HIVEP2: variants seen among roughly 807,000 people sequenced by gnomAD.
HIVEP2 encodes the protein HIVEP zinc finger 2.
Under a neutral mutation model 180.7 loss-of-function variants are expected in HIVEP2, and 14 were observed. That is an observed-to-expected ratio of 0.08 (90% CI 0.05 to 0.12). The LOEUF is 0.12. HIVEP2 is among the 10% of genes least tolerant of loss of function. The pLI, the probability that HIVEP2 is intolerant of heterozygous loss-of-function variation, is 1.00. For missense variants in HIVEP2, 2,579 were observed against 3,008.5 expected, an observed-to-expected ratio of 0.86 and a Z score of 3.34; for synonymous variants, 1,184 against 1,136.4, an observed-to-expected ratio of 1.04 and a Z score of -0.84.
At position 142,811,435 on chromosome 6, in the gene HIVEP2, A is replaced by G. The variant is rs143058010; in HGVS notation, c.-528+25500T>C. On this transcript the variant is annotated intron_variant, in intron 2 of 9. Coordinates refer to ENST00000367603, the MANE Select transcript of HIVEP2 (RefSeq NM_006734.4). ...TAGGTGGATTTTTCCAAACCACCCTATTTACATCTTCTAAACCCTATCATT... is the reference window on the plus strand; with the variant it reads ...TAGGTGGATTTTTCCAAACCACCCTGTTTACATCTTCTAAACCCTATCATT... Among the ~76,000 whole-genome samples the G allele has an allele frequency of 4.3e-4, 66 of 152,276 alleles. 1 individual carries two copies. The East Asian group carries it at 0.012, about 27-fold the overall frequency.
At chr6:142,862,388 TA>T (rs1298336546) in intron 1 of HIVEP2, among the ~76,000 whole-genome samples, 1 of 149,556 alleles carries the variant, frequency 6.7e-6, no homozygotes, top group African/African-American at 2.4e-5. Context: ...CGATTACATG[TA>T]TTACATATTT....
intron 1 of HIVEP2, among the ~76,000 whole-genome samples, chr6:142,890,918 G>T (rs1256458089): frequency 2.0e-5 from 3 of 152,118 alleles, no homozygotes; most frequent in African/African-American, 7.2e-5. Context: ...ACTTCCATTT[G>T]TAAACTGTAA....
At chr6:142,881,959 C>T (rs1776583259) in intron 1 of HIVEP2, among the ~76,000 whole-genome samples, 1 of 152,182 alleles carries the variant, frequency 6.6e-6, no homozygotes, top group African/African-American at 2.4e-5. Flanking sequence ...TAAGATAACA[C>T]AGTTAAAGCT....
At chr6:142,846,053 C>A (rs1775508593) in intron 1 of HIVEP2, among the ~76,000 whole-genome samples, 1 of 152,222 alleles carries the variant, frequency 6.6e-6, no homozygotes, top group African/African-American at 2.4e-5. Flanking sequence ...CAGGCCACGG[C>A]AACAACAGCC....
intron 1 of HIVEP2, among the ~76,000 whole-genome samples, chr6:142,942,924 C>G (rs1057364188): frequency 6.6e-6 from 1 of 152,098 alleles, no homozygotes; most frequent in African/African-American, 2.4e-5. Flanking sequence ...TCTCAATGTT[C>G]AAAAGATTCA....
At chr6:142,861,605 A>G (rs12190015) in intron 1 of HIVEP2, among the ~76,000 whole-genome samples, 59,193 of 152,054 alleles carry the variant, frequency 0.39, 12,359 homozygotes, top group Non-Finnish European at 0.48. Flanking sequence ...AGTATGAAAC[A>G]GTAATATCCC....
intron 2 of HIVEP2, among the ~76,000 whole-genome samples, chr6:142,792,731 T>C (rs1005616459): frequency 3.3e-5 from 5 of 150,838 alleles, no homozygotes; most frequent in Non-Finnish European, 7.4e-5. Context: ...TAAAATAAAA[T>C]AAAACTAATA....
At chr6:142,786,695 G>A (rs978910499) in intron 2 of HIVEP2, among the ~76,000 whole-genome samples, 1 of 152,194 alleles carries the variant, frequency 6.6e-6, no homozygotes, top group Non-Finnish European at 1.5e-5. Context: ...ATTCATAGAT[G>A]ACAGATAAGA....
chr6:142,911,160 A>AAT (rs397972719), intron 1 of HIVEP2, among the ~76,000 whole-genome samples: 11 of 143,538 alleles, frequency 7.7e-5, no homozygotes, highest in Non-Finnish European at 1.6e-4. Flanking sequence ...AAAAAAAAAA[A>AAT]CTTAAAAATA....
intron 1 of HIVEP2, among the ~76,000 whole-genome samples, chr6:142,898,401 C>A (rs910669787): frequency 1.3e-5 from 2 of 152,186 alleles, no homozygotes; most frequent in Non-Finnish European, 2.9e-5. Context: ...GTGGCTCACA[C>A]CTGTAATCCC....
At position 142,943,354 on chromosome 6, in the gene HIVEP2, G is replaced by T. The variant is rs968614808; in HGVS notation, c.-641+1745C>A. Among the ~76,000 whole-genome samples the T allele has an allele frequency of 6.6e-6, 1 of 152,134 alleles. No individual in the cohort carries two copies. Among genetic ancestry groups the T allele is most frequent in the Non-Finnish European group, 1.5e-5 (1 of 68,030 alleles). On this transcript the variant is annotated intron_variant, in intron 1 of 9. Transcript: ENST00000367603. The surrounding 1 kb of genome is among the most constrained non-coding windows in gnomAD (Gnocchi z 4.5). Reference sequence around the variant, plus strand: ...GCAAATATTTAAAATAACTTGGTTTGCTCAAGGGCAAATATCACCAAATAT... The same window carrying T: ...GCAAATATTTAAAATAACTTGGTTTTCTCAAGGGCAAATATCACCAAATAT...
rs1428030956 is a variant in HIVEP2 at position 142,771,846 on chromosome 6, G to A, written c.2893C>T (p.Arg965Cys). The change falls in exon 5 of 10, where the codon CGC (arginine) becomes TGC (cysteine). Residue 965 changes from arginine to cysteine, a missense_variant. Transcript: ENST00000367603. This position sits in a 1 kb window ranked among gnomAD's most constrained non-coding sequence, Gnocchi z 5.4. ...SFESTGTGLS[R>C]SPSQESNLSH... ...AAGTTGCTTTCTTGGCTGGGGCTGC[G>A]GGAGAGGCCTGTGCCTGTGGATTCA... 12 of 1,614,096 alleles carry A rather than the reference G, an allele frequency of 7.4e-6. No homozygotes were observed. Among genetic ancestry groups the A allele is most frequent in the East Asian group, 2.2e-5 (1 of 44,894 alleles).
chr6:142,893,784 G>A (rs1776917267), intron 1 of HIVEP2, among the ~76,000 whole-genome samples: 2 of 151,864 alleles, frequency 1.3e-5, no homozygotes, highest in South Asian at 4.2e-4. Flanking sequence ...TCGGGGGGAG[G>A]GAAGCCTAAT....
intron 1 of HIVEP2, among the ~76,000 whole-genome samples, chr6:142,861,443 T>C (rs1392014048): frequency 6.6e-6 from 1 of 152,188 alleles, no homozygotes; most frequent in Non-Finnish European, 1.5e-5. Context: ...GCAATAACAT[T>C]GGAGGAACTA....
chr6:142,776,607 T>C (rs1329620271), intron 3 of HIVEP2, among the ~76,000 whole-genome samples: 1 of 149,106 alleles, frequency 6.7e-6, no homozygotes, highest in Non-Finnish European at 1.5e-5. Flanking sequence ...CACTGCTCAC[T>C]GCAGCCTCGA....
rs1484753819 is a variant in HIVEP2, at chr6:142,931,872, T to C, written c.-641+13227A>G. ...CAAACCCCTTAAGCTGGAATATGAG[T>C]CCTTAGACCATATATCCCTATCTTC... is the stretch of plus-strand genomic sequence containing the variant. On this transcript the variant is annotated intron_variant, in intron 1 of 9. Coordinates refer to ENST00000367603, the MANE Select transcript of HIVEP2 (RefSeq NM_006734.4). Among the ~76,000 whole-genome samples, 5 of 152,264 alleles carry C rather than the reference T, an allele frequency of 3.3e-5. No individual in the cohort carries two copies. The East Asian group carries it at 9.6e-4, about 29-fold the overall frequency.
intron 1 of HIVEP2, among the ~76,000 whole-genome samples, chr6:142,913,309 T>G (rs1777463352): frequency 6.6e-6 from 1 of 152,238 alleles, no homozygotes; most frequent in Non-Finnish European, 1.5e-5. Flanking sequence ...CTTCATGCTA[T>G]CATTTGGATA....
intron 2 of HIVEP2, among the ~76,000 whole-genome samples, chr6:142,814,474 G>A (rs1776782227): frequency 6.6e-6 from 1 of 152,156 alleles, no homozygotes; most frequent in Non-Finnish European, 1.5e-5. Context: ...GAGATATGAT[G>A]AAGAACTGAA....
chr6:142,824,613 C>A (rs1431284103), intron 2 of HIVEP2, among the ~76,000 whole-genome samples: 2 of 152,210 alleles, frequency 1.3e-5, no homozygotes, highest in Non-Finnish European at 2.9e-5. Flanking sequence ...CAAAGCAGTT[C>A]CATCAGGTTT....
Sources: allele counts gnomAD v4.1 joint callset (sites outside exome capture counted in the v4.1 genomes callset), GRCh38; gene constraint gnomAD v4.1.1; non-coding constraint Gnocchi (gnomAD v3.1); transcripts MANE v1.5; gene names NCBI Gene and HGNC (gene_info 2026-07-23, HGNC 2026-07-21).